Variants in FANCC observed in about 807,000 individuals in gnomAD.
FANCC encodes Fanconi anemia group C protein.
In FANCC, 55 loss-of-function variants were observed where a neutral mutation model predicts 71.3. That is an observed-to-expected ratio of 0.77 (90% CI 0.62 to 0.97). The LOEUF (loss-of-function observed/expected upper bound fraction) is 0.97. Ranked by LOEUF, FANCC falls within the 50% of genes least tolerant of loss-of-function variation. The probability of loss-of-function intolerance (pLI) is 0.00; values close to 1 mark genes in which losing one functional copy is unlikely to be tolerated. For missense variants in FANCC, 678 were observed against 670.9 expected, an observed-to-expected ratio of 1.01 and a Z score of -0.12; for synonymous variants, 275 against 244.9, an observed-to-expected ratio of 1.12 and a Z score of -1.15.
chr9:95,149,293 C>A (rs1450605167), intron 7 of FANCC, among the ~76,000 whole-genome samples: 1 of 151,958 alleles, frequency 6.6e-6, no homozygotes, highest in Admixed American at 6.6e-5. Context: ...CCTACCTGAG[C>A]AACGGTAGGA....
rs1432327139 is a variant in FANCC at position 95,292,857 on chromosome 9, G to C, written c.-79+24669C>G. 4.4e-6 allele frequency: 7 copies of C among 1,585,386 alleles called. No individual in the cohort carries two copies. The South Asian group carries it at 5.5e-5, about 13-fold the overall frequency. ...ATGTAGCAAGTGCAGCAATTCGTAC[G>C]GTACAGAATGGGACCTGAAAAGACT... On this transcript the variant is annotated intron_variant, in intron 1 of 14. Transcript: ENST00000289081.
chr9:95,171,004 T>C (rs1223853788), intron 6 of FANCC, 75 bp downstream of exon 6: 1 of 1,066,912 alleles, frequency 9.4e-7, no homozygotes, highest in Non-Finnish European at 1.5e-6. Flanking sequence ...TCCTATGAAT[T>C]GTAAAATTTT....
At position 95,160,175 on chromosome 9, in the gene FANCC, T is replaced by A. The variant is rs539852893; in HGVS notation, c.522-10088A>T. On this transcript the variant is annotated intron_variant, in intron 6 of 14. Transcript: ENST00000289081. ...TATGGTTTTAGGTCTAACATTTAAG[T>A]CTTTAATCCATCTTGAATTAATTTT... 2.0e-3 allele frequency among the ~76,000 whole-genome samples: 302 copies of A among 152,374 alleles called. 1 individual carries two copies. Among genetic ancestry groups the A allele is most frequent in the Non-Finnish European group, 3.5e-3 (237 of 68,032 alleles).
chr9:95,313,331 G>A (rs1835525764), intron 1 of FANCC, among the ~76,000 whole-genome samples: 1 of 152,222 alleles, frequency 6.6e-6, no homozygotes, highest in Non-Finnish European at 1.5e-5. Flanking sequence ...GGGAACCAGT[G>A]CTGGAGAAAG....
chr9:95,156,356 CAG>C (rs1261236121), intron 6 of FANCC, among the ~76,000 whole-genome samples: 1 of 152,182 alleles, frequency 6.6e-6, no homozygotes, highest in African/African-American at 2.4e-5. Flanking sequence ...CCTGTGCTAG[CAG>C]AGTGCTCCCT....
At chr9:95,135,562 A>T (rs1172572821) in intron 7 of FANCC, 60 bp from the exon 8 acceptor site, 2 of 1,502,020 alleles carry the variant, frequency 1.3e-6, no homozygotes, top group East Asian at 2.3e-5. Flanking sequence ...AAAGAAGATT[A>T]AAAAAAGTTC....
intron 4 of FANCC, among the ~76,000 whole-genome samples, chr9:95,195,014 A>G (rs1022751132): frequency 1.3e-5 from 2 of 152,068 alleles, no homozygotes; most frequent in African/African-American, 4.8e-5. Flanking sequence ...CCTGGCCAAC[A>G]TGGTGAAACC....
At chr9:95,309,007 G>A (rs1286569946) in intron 1 of FANCC, among the ~76,000 whole-genome samples, 1 of 151,704 alleles carries the variant, frequency 6.6e-6, no homozygotes, top group African/African-American at 2.4e-5. Flanking sequence ...GATGCATCTC[G>A]AAAAAAGAAA....
At chr9:95,221,702 T>C (rs1333246904) in intron 4 of FANCC, among the ~76,000 whole-genome samples, 1 of 152,188 alleles carries the variant, frequency 6.6e-6, no homozygotes, top group African/African-American at 2.4e-5. Flanking sequence ...AAATATTTTT[T>C]AATGGGCAAA....
At chr9:95,197,313 G>A (rs953873285) in intron 4 of FANCC, among the ~76,000 whole-genome samples, 6 of 152,172 alleles carry the variant, frequency 3.9e-5, no homozygotes, top group African/African-American at 1.4e-4. Context: ...GAGGTAGGAG[G>A]ACTGTTTGAG....
chr9:95,223,188 T>C (rs879165219), intron 4 of FANCC, among the ~76,000 whole-genome samples: 4 of 152,190 alleles, frequency 2.6e-5, no homozygotes, highest in Admixed American at 1.3e-4. Context: ...ACAAGTTGAG[T>C]GGCTTAAACC....
intron 8 of FANCC, 149 bp from the exon 9 acceptor site, chr9:95,126,730 C>T: frequency 2.7e-6 from 2 of 746,896 alleles, no homozygotes; most frequent in Non-Finnish European, 4.7e-6. Context: ...CACTGCTGTA[C>T]TGAAAACGCC....
chr9:95,284,258 A>G (rs557605358), intron 1 of FANCC, among the ~76,000 whole-genome samples: 3 of 152,320 alleles, frequency 2.0e-5, no homozygotes, highest in Non-Finnish European at 4.4e-5. Context: ...TGAAAGCCCC[A>G]AAGTTGTTTA....
intron 4 of FANCC, among the ~76,000 whole-genome samples, chr9:95,226,143 A>G (rs1704130581): frequency 6.6e-6 from 1 of 152,222 alleles, no homozygotes; most frequent in African/African-American, 2.4e-5. Flanking sequence ...TAAGAAAGCA[A>G]TGGCATTTTG....
At chr9:95,136,374 C>A (rs1827699249) in intron 7 of FANCC, among the ~76,000 whole-genome samples, 1 of 151,970 alleles carries the variant, frequency 6.6e-6, no homozygotes, top group African/African-American at 2.4e-5. Flanking sequence ...AAGAGCAAGA[C>A]CCTGTCTCAA....
rs1826906256 is a variant in FANCC, at chr9:95,188,939, ATTTTAAGTTCAAAAAAAGAATTTCC to A, written c.346-16817_346-16793del. On this transcript the variant is annotated intron_variant, in intron 4 of 14. Coordinates refer to ENST00000289081, the MANE Select transcript of FANCC (RefSeq NM_000136.3). ...AAATTACACATAAGTTACAAATGAT[ATTTTAAGTTCAAAAAAAGAATTTCC>A]TTTCATTTACATCTCAGTATATGTA... Among the ~76,000 whole-genome samples the A allele has an allele frequency of 2.0e-5, 3 of 152,198 alleles. No homozygotes were observed. The East Asian group carries it at 5.8e-4, about 29-fold the overall frequency.
At position 95,268,416 on chromosome 9, in the gene FANCC, T is replaced by C. The variant is rs181929820; in HGVS notation, c.-78-19047A>G. Among the ~76,000 whole-genome samples, 26 of 152,366 alleles carry C rather than the reference T, an allele frequency of 1.7e-4. No homozygotes were observed. The East Asian group carries it at 2.5e-3, about 15-fold the overall frequency. ...AAGGGTCTGTTGTCAGCTAAGTTAC[T>C]ACTAGCTGCTGCATGAACTCGATGG... On this transcript the variant is annotated intron_variant, in intron 1 of 14. Transcript: ENST00000289081.
At chr9:95,205,935 T>C (rs1389474258) in intron 4 of FANCC, among the ~76,000 whole-genome samples, 2 of 152,074 alleles carry the variant, frequency 1.3e-5, no homozygotes, top group African/African-American at 4.8e-5. Flanking sequence ...GGAAATAAAT[T>C]GATTAAATTC....
At chr9:95,301,156 G>A (rs1335826922) in intron 1 of FANCC, among the ~76,000 whole-genome samples, 1 of 145,488 alleles carries the variant, frequency 6.9e-6, no homozygotes, top group East Asian at 2.1e-4. Context: ...GCTAAAGTCA[G>A]TATAACAATA....
Sources: gnomAD v4.1 joint callset for allele counts (sites outside exome capture counted in the v4.1 genomes callset) on GRCh38, gnomAD v4.1.1 for gene constraint, MANE v1.5 for transcripts, NCBI Gene and HGNC (gene_info 2026-07-23, HGNC 2026-07-21) for gene names.